The following AGBL4 variants were observed in gnomAD, a reference collection of about 807,000 sequenced individuals.
The protein encoded by AGBL4 is cytosolic carboxypeptidase 6.
Under a neutral mutation model 66.4 loss-of-function variants are expected in AGBL4, and 58 were observed. The ratio of observed to expected loss-of-function variants is 0.87; its 90% CI spans 0.71 to 1.09. The LOEUF is 1.09. Among genes scored for constraint, AGBL4 ranks in the 50% least tolerant of loss-of-function variants. AGBL4 has a pLI of 0.00. For missense variants in AGBL4, 579 were observed against 631.0 expected (o/e 0.92, Z 0.88); for synonymous variants, 234 against 222.9 (o/e 1.05, Z -0.44).
intron 3 of AGBL4, among the ~76,000 whole-genome samples, chr1:49,568,319 A>G (rs1405782956): frequency 6.6e-6 from 1 of 152,166 alleles, no homozygotes; most frequent in Non-Finnish European, 1.5e-5. Context: ...GTAAAAAATG[A>G]CAAGCATTCT....
chr1:49,494,565 A>T (rs1283250531), intron 3 of AGBL4, among the ~76,000 whole-genome samples: 4 of 151,726 alleles, frequency 2.6e-5, no homozygotes, highest in South Asian at 2.1e-4. Context: ...GAGAATGATG[A>T]TTTCCAATTT....
chr1:49,016,004 A>ATC (rs1662792017), intron 5 of AGBL4, among the ~76,000 whole-genome samples: 1 of 152,182 alleles, frequency 6.6e-6, no homozygotes. Context: ...AATGGGTAGA[A>ATC]TATAGACACC....
chr1:49,152,441 G>A (rs944902814), intron 4 of AGBL4, among the ~76,000 whole-genome samples: 10 of 152,162 alleles, frequency 6.6e-5, no homozygotes, highest in Admixed American at 1.3e-4. Flanking sequence ...ATCCAGTCTC[G>A]CCCACCAAGT....
rs564652453 is a variant in AGBL4, at chr1:48,642,308, G to A, written c.840-7704C>T. 8.5e-5 allele frequency among the ~76,000 whole-genome samples: 13 copies of A among 152,242 alleles called. No homozygotes were observed. The East Asian group carries it at 1.9e-3, about 23-fold the overall frequency. On this transcript the variant is annotated intron_variant, in intron 8 of 13. Coordinates refer to ENST00000371839, the MANE Select transcript of AGBL4 (RefSeq NM_032785.4). ...AGGTGGTGTGACTGGGGACAAGGGCGCTCAGATCACATCTGGAAAAGAGAT... is the reference window on the plus strand; with the variant it reads ...AGGTGGTGTGACTGGGGACAAGGGCACTCAGATCACATCTGGAAAAGAGAT...
At chr1:49,161,928 T>G (rs1321453001) in intron 4 of AGBL4, among the ~76,000 whole-genome samples, 1 of 152,222 alleles carries the variant, frequency 6.6e-6, no homozygotes, top group African/African-American at 2.4e-5. Flanking sequence ...TTCAGTTTTC[T>G]TGACTTTCTG....
At chr1:48,803,770 A>AC (rs771730493) in intron 6 of AGBL4, among the ~76,000 whole-genome samples, 21 of 152,100 alleles carry the variant, frequency 1.4e-4, no homozygotes, top group Admixed American at 3.9e-4. Flanking sequence ...CCTATGCTTT[A>AC]CCCTCTTTCT....
intron 4 of AGBL4, among the ~76,000 whole-genome samples, chr1:49,092,094 A>G (rs1645013450): frequency 6.6e-6 from 1 of 152,072 alleles, no homozygotes; most frequent in East Asian, 1.9e-4. Flanking sequence ...GTACCTGGGT[A>G]ATGAAATAAT....
At chr1:49,102,766 G>T (rs1383653999) in intron 4 of AGBL4, among the ~76,000 whole-genome samples, 5 of 152,134 alleles carry the variant, frequency 3.3e-5, no homozygotes, top group Non-Finnish European at 2.9e-5. Context: ...TAACTGAGTT[G>T]TGACAAGCCA....
rs937782095 is a variant in AGBL4, at chr1:49,598,451, C to T, written c.282+98862G>A. 7.2e-5 allele frequency among the ~76,000 whole-genome samples: 11 copies of T among 152,224 alleles called. 1 individual carries two copies. The highest frequency in any genetic ancestry group is 2.7e-4 in the African/African-American group (11 of 41,452). ...TTCTAACAGACAGGACCTTCAGCTGCAGGTCTGTTGGAGTTTGCTAGAGGT... is the reference window on the plus strand; with the variant it reads ...TTCTAACAGACAGGACCTTCAGCTGTAGGTCTGTTGGAGTTTGCTAGAGGT... On this transcript the variant is annotated intron_variant, in intron 3 of 13. Coordinates refer to ENST00000371839, the MANE Select transcript of AGBL4 (RefSeq NM_032785.4).
At position 48,648,089 on chromosome 1, in the gene AGBL4, AT is replaced by A. The variant is rs531156871; in HGVS notation, c.839+5247del. On this transcript the variant is annotated intron_variant, in intron 8 of 13. Transcript: ENST00000371839. ...TAACATAAAACTTACCATCATAACC[AT>A]TTTTAAGTGTAGGGTTTGATGGCAT... 3.2e-3 allele frequency among the ~76,000 whole-genome samples: 482 copies of A among 152,232 alleles called. 2 individuals are homozygous for A. The highest frequency in any genetic ancestry group is 5.0e-3 in the South Asian group (24 of 4,822).
rs1006167533 is a variant in AGBL4, at chr1:49,973,388, C to T, written c.34+50375G>A. Among the ~76,000 whole-genome samples the T allele has an allele frequency of 5.3e-5, 8 of 152,150 alleles. No individual in the cohort carries two copies. The South Asian group carries it at 1.0e-3, about 20-fold the overall frequency. The stretch of plus-strand genomic sequence containing the variant: ...TGCAGTTTCTCAGTCACAATGGCCA[C>T]CCTTCAAATGCTCAATAGCTACACA... On this transcript the variant is annotated intron_variant, in intron 1 of 13. Transcript: ENST00000371839.
chr1:49,528,948 A>G (rs549360920), intron 3 of AGBL4, among the ~76,000 whole-genome samples: 1 of 152,222 alleles, frequency 6.6e-6, no homozygotes, highest in African/African-American at 2.4e-5. Flanking sequence ...TAGGTCATAA[A>G]AAGTCTTGTA....
intron 3 of AGBL4, among the ~76,000 whole-genome samples, chr1:49,511,034 T>G (rs970352393): frequency 7.9e-5 from 12 of 151,980 alleles, no homozygotes; most frequent in African/African-American, 2.4e-4. Flanking sequence ...TCCAGCTTTG[T>G]TCTTTTGGCT....
At chr1:49,237,905 C>A (rs981973523) in intron 4 of AGBL4, among the ~76,000 whole-genome samples, 1 of 151,522 alleles carries the variant, frequency 6.6e-6, no homozygotes, top group Non-Finnish European at 1.5e-5. Flanking sequence ...GCAAAAATAC[C>A]TTTAGTTTTA....
At chr1:49,907,846 A>G (rs1650428463) in intron 1 of AGBL4, among the ~76,000 whole-genome samples, 1 of 152,068 alleles carries the variant, frequency 6.6e-6, no homozygotes, top group Non-Finnish European at 1.5e-5. Context: ...TGACACAACA[A>G]ATAATACCAC....
At chr1:49,728,843 A>T (rs762332221) in intron 2 of AGBL4, among the ~76,000 whole-genome samples, 1 of 152,222 alleles carries the variant, frequency 6.6e-6, no homozygotes, top group Non-Finnish European at 1.5e-5. Flanking sequence ...GAGTCTTCAA[A>T]GGGCAGGCTT....
At chr1:48,716,736 C>G (rs1053550153) in intron 6 of AGBL4, among the ~76,000 whole-genome samples, 1 of 152,106 alleles carries the variant, frequency 6.6e-6, no homozygotes. Flanking sequence ...GGGTCAGTCC[C>G]GGGTCAGTGG....
At chr1:49,512,000 T>G (rs1366163267) in intron 3 of AGBL4, among the ~76,000 whole-genome samples, 1 of 151,984 alleles carries the variant, frequency 6.6e-6, no homozygotes, top group Non-Finnish European at 1.5e-5. Context: ...GAGAATTAAA[T>G]GAGATATAGG....
intron 3 of AGBL4, among the ~76,000 whole-genome samples, chr1:49,313,557 G>A (rs1383748693): frequency 1.3e-5 from 2 of 152,046 alleles, no homozygotes; most frequent in Non-Finnish European, 2.9e-5. Context: ...AATTTTTAAT[G>A]ATTGCCATTC....
Sources: gnomAD v4.1 joint callset for allele counts (sites outside exome capture counted in the v4.1 genomes callset) on GRCh38, gnomAD v4.1.1 for gene constraint, MANE v1.5 for transcripts, NCBI Gene and HGNC (gene_info 2026-07-23, HGNC 2026-07-21) for gene names.